Variants in PRELID2 observed in about 807,000 individuals in gnomAD.
PRELID2 encodes the protein PRELI domain containing 2, also known as PRELI domain-containing protein 2.
A neutral mutation model predicts 28.4 loss-of-function variants in PRELID2; 25 were observed. That is an observed-to-expected ratio of 0.88 (90% CI 0.64 to 1.23). The LOEUF is 1.23. Among genes scored for constraint, PRELID2 ranks in the 50% most tolerant of loss-of-function variants. The pLI is 0.00. For synonymous variants in PRELID2, 76 were observed against 71.6 expected (o/e 1.06, Z -0.31); for missense variants, 201 against 214.4 (o/e 0.94, Z 0.39).
chr5:145,756,488 T>C lies in PRELID2; in HGVS notation c.*4048A>G, dbSNP rs1381759929. On this transcript the variant is annotated 3_prime_UTR_variant, in exon 7 of 7. Coordinates refer to ENST00000683046, the MANE Select transcript of PRELID2 (RefSeq NM_205846.3). ...TTTGGCCTGATCATTTTTTGAGTTTTAATCCTCTTAAGTTTCACATTATAG... is the reference window on the plus strand; with the variant it reads ...TTTGGCCTGATCATTTTTTGAGTTTCAATCCTCTTAAGTTTCACATTATAG... Among the ~76,000 whole-genome samples the C allele has an allele frequency of 6.6e-6, 1 of 152,224 alleles. No homozygotes were observed. The highest frequency in any genetic ancestry group is 1.5e-5 in the Non-Finnish European group (1 of 68,036).
chr5:145,738,132 T>C (rs995223006), intron 1 of PRELID2, among the ~76,000 whole-genome samples: 2 of 152,142 alleles, frequency 1.3e-5, no homozygotes, highest in African/African-American at 4.8e-5. Flanking sequence ...CTGCCTCAGA[T>C]GTCAACAGAG....
intron 1 of PRELID2, among the ~76,000 whole-genome samples, chr5:145,653,643 A>T (rs567822543): frequency 6.6e-6 from 1 of 152,372 alleles, no homozygotes; most frequent in African/African-American, 2.4e-5. Context: ...CTGCTCCTGA[A>T]TGACCACTGG....
intron 1 of PRELID2, among the ~76,000 whole-genome samples, chr5:145,477,370 T>C (rs1334185047): frequency 6.6e-6 from 1 of 152,142 alleles, no homozygotes; most frequent in Non-Finnish European, 1.5e-5. Context: ...GCAGTCCACA[T>C]CCTATCCTAT....
At chr5:145,536,029 C>A (rs1034306772) in intron 1 of PRELID2, among the ~76,000 whole-genome samples, 8 of 151,766 alleles carry the variant, frequency 5.3e-5, no homozygotes, top group South Asian at 2.1e-4. Flanking sequence ...GTTAGAAGTG[C>A]AATGAAAAAA....
intron 1 of PRELID2, among the ~76,000 whole-genome samples, chr5:145,831,985 T>C (rs441076): frequency 0.71 from 108,100 of 151,964 alleles, 39,698 homozygotes; most frequent in Non-Finnish European, 0.82. Flanking sequence ...TAAAAGCCTG[T>C]CATTGGTTTA....
chr5:145,334,823 G>A, the PRELID2 span, among the ~76,000 whole-genome samples: 1 of 150,088 alleles, frequency 6.7e-6, no homozygotes, highest in Non-Finnish European at 1.5e-5. Context: ...CTCTTTCTTG[G>A]AGTGCAGTTT....
chr5:145,292,029 G>A, the PRELID2 span, among the ~76,000 whole-genome samples: 1 of 151,782 alleles, frequency 6.6e-6, no homozygotes, highest in Non-Finnish European at 1.5e-5. Flanking sequence ...TTTTATGTTT[G>A]CAACAGCAGA....
chr5:145,229,354 G>A, the PRELID2 span: 1 of 741,894 alleles, frequency 1.3e-6, no homozygotes, highest in East Asian at 2.6e-5. Context: ...AGAACCTGTG[G>A]AGCATCGACA....
chr5:145,791,896 A>C (rs1317729747), intron 5 of PRELID2, among the ~76,000 whole-genome samples: 1 of 152,180 alleles, frequency 6.6e-6, no homozygotes, highest in Non-Finnish European at 1.5e-5. Flanking sequence ...ACACACTGTC[A>C]ACCTGCAAGG....
the PRELID2 span, among the ~76,000 whole-genome samples, chr5:145,316,042 G>T: frequency 6.6e-6 from 1 of 152,070 alleles, no homozygotes; most frequent in African/African-American, 2.4e-5. Context: ...ATGGTGGACT[G>T]CTGTGTTTCT....
intron 1 of PRELID2, among the ~76,000 whole-genome samples, chr5:145,741,398 A>G (rs1756733795): frequency 9.5e-6 from 1 of 105,572 alleles, no homozygotes; most frequent in Admixed American, 1.2e-4. Flanking sequence ...TTATTTATAT[A>G]TAAACAAAAT....
the PRELID2 span, among the ~76,000 whole-genome samples, chr5:145,309,485 C>T: frequency 1.4e-4 from 21 of 152,230 alleles, no homozygotes; most frequent in African/African-American, 4.8e-4. Flanking sequence ...GCCCTGCTGA[C>T]GGAAAGGATT....
At chr5:145,565,348 C>T (rs181394072) in intron 1 of PRELID2, among the ~76,000 whole-genome samples, 26 of 152,176 alleles carry the variant, frequency 1.7e-4, no homozygotes, top group Non-Finnish European at 3.1e-4. Flanking sequence ...TGACATGGAA[C>T]CATTATATTA....
intron 1 of PRELID2, among the ~76,000 whole-genome samples, chr5:145,603,377 G>A (rs1227375503): frequency 1.7e-5 from 2 of 120,924 alleles, no homozygotes; most frequent in East Asian, 2.0e-4. Context: ...AGGGGCTAAC[G>A]GCTAACTTCT....
chr5:145,686,603 C>A lies in PRELID2; in HGVS notation n.70+78328G>T, dbSNP rs952850858. 5.9e-5 allele frequency among the ~76,000 whole-genome samples: 9 copies of A among 152,102 alleles called. No individual in the cohort carries two copies. The South Asian group carries it at 1.7e-3, about 28-fold the overall frequency. On this transcript the variant is annotated intron_variant and non_coding_transcript_variant, in intron 1 of 2. Coordinates refer to the PRELID2 transcript ENST00000510259. ...GGTTAGTTTGAAGACTATTTGTGTG[C>A]GTGTTTTTTTAAAACAACATCTGGA...
At position 145,738,918 on chromosome 5, in the gene PRELID2, G is replaced by GA. The variant is rs535912327; in HGVS notation, n.70+26012dup. On this transcript the variant is annotated intron_variant and non_coding_transcript_variant, in intron 1 of 2. Transcript: ENST00000510259. ...AAACTTCAACAAAAGTAAAGACAAA[G>GA]AAAAAAATCTTAAAAAACTGTGAGA... Among the ~76,000 whole-genome samples, 70 of 151,950 alleles carry GA rather than the reference G, an allele frequency of 4.6e-4. 1 individual carries two copies. In the South Asian group the frequency reaches 8.7e-3, roughly 19 times the overall value.
At chr5:145,794,428 G>C (rs765349960) in intron 5 of PRELID2, among the ~76,000 whole-genome samples, 1 of 152,142 alleles carries the variant, frequency 6.6e-6, no homozygotes, top group Non-Finnish European at 1.5e-5. Flanking sequence ...TGAAGTTCGT[G>C]ATGCTAGGTA....
At chr5:145,584,592 AAAAC>A (rs1320620408) in intron 1 of PRELID2, among the ~76,000 whole-genome samples, 1 of 152,164 alleles carries the variant, frequency 6.6e-6, no homozygotes, top group Non-Finnish European at 1.5e-5. Context: ...TTACAAGAAA[AAAAC>A]AAACAACCCC....
the PRELID2 span, among the ~76,000 whole-genome samples, chr5:145,466,497 T>C: frequency 1.3e-5 from 2 of 152,152 alleles, no homozygotes; most frequent in African/African-American, 4.8e-5. Flanking sequence ...ATGTATGTTT[T>C]TGTATGTCTA....
Sources: allele counts gnomAD v4.1 joint callset (sites outside exome capture counted in the v4.1 genomes callset), GRCh38; gene constraint gnomAD v4.1.1; transcripts MANE v1.5; gene names NCBI Gene and HGNC (gene_info 2026-07-23, HGNC 2026-07-21).